The following POLE variants were observed in gnomAD, a reference collection of about 807,000 sequenced individuals.
The protein encoded by POLE is DNA polymerase epsilon catalytic subunit A.
A neutral mutation model predicts 279.2 loss-of-function variants in POLE; 188 were observed. The ratio of observed to expected loss-of-function variants is 0.67; its 90% CI spans 0.60 to 0.76. POLE has a LOEUF of 0.76. Ranked by LOEUF, POLE falls within the 30% of genes least tolerant of loss-of-function variation. The pLI, the probability that POLE is intolerant of heterozygous loss-of-function variation, is 0.00. For missense variants in POLE, 2,703 were observed against 3,016.7 expected, an observed-to-expected ratio of 0.90 and a Z score of 2.44; for synonymous variants, 1,214 against 1,172.5, an observed-to-expected ratio of 1.04 and a Z score of -0.72.
chr12:132,674,573 C>G (rs2043000955), intron 12 of POLE, among the ~76,000 whole-genome samples: 1 of 152,154 alleles, frequency 6.6e-6, no homozygotes, highest in South Asian at 2.1e-4. Flanking sequence ...CCAACCCCTC[C>G]CTAAGAACCA....
chr12:132,655,955 G>A (rs1451229307), intron 29 of POLE, among the ~76,000 whole-genome samples: 1 of 151,930 alleles, frequency 6.6e-6, no homozygotes, highest in Non-Finnish European at 1.5e-5. Flanking sequence ...CTGAGGTCAG[G>A]AGTTTGAGAC....
intron 20 of POLE, among the ~76,000 whole-genome samples, chr12:132,666,416 C>T (rs901767547): frequency 1.6e-4 from 25 of 152,322 alleles, no homozygotes; most frequent in African/African-American, 5.8e-4. Context: ...GGTGAAACCC[C>T]GTCTCTACCA....
rs372109189 is a variant in POLE, at chr12:132,664,444, C to T, written c.2487G>A (p.Met829Ile). 2.4e-5 allele frequency: 38 copies of T among 1,613,916 alleles called. No homozygotes were observed. The African/African-American group carries it at 4.8e-4, about 20-fold the overall frequency. The change falls in exon 22 of 49, where the codon ATG (methionine) becomes ATA (isoleucine). Residue 829 changes from methionine to isoleucine, a missense_variant. Around this residue, in one of 5 missense-constraint regions of POLE, gnomAD observed 1,011 missense variants for 1,111.7 expected, o/e 0.91. Coordinates refer to ENST00000320574, the MANE Select transcript of POLE (RefSeq NM_006231.4). The surrounding 1 kb of genome is among the most constrained non-coding windows in gnomAD (Gnocchi z 5.3). ...TGAAGCAGACGATGCCAGCCATCTC[C>T]ATGGAGTACCAGCGAGCCCTGAGAG... ...VMRKGARWYS[M>I]EMAGIVCFTG...
In POLE at chr12:132,659,418, G is replaced by C. The variant is rs745884888; in HGVS notation, c.3152C>G (p.Ser1051Cys). ...RKLEDYGEQK[S>C]TSISTAKRLA... Reference sequence around the variant, plus strand: ...GCGCTTTGCTGTGCTGATGGACGTAGACTTCTGCTCCCCGTAATCTTCCAG... The same window carrying C: ...GCGCTTTGCTGTGCTGATGGACGTACACTTCTGCTCCCCGTAATCTTCCAG... The change falls in exon 26 of 49, where the codon TCT becomes TGT. Residue 1051 changes from serine to cysteine, a missense_variant. This residue lies in a region of POLE where 1,551 missense variants were observed against 1,686.1 expected (regional missense o/e 0.92). Transcript: ENST00000320574. 6.2e-7 allele frequency: 1 copy of C among 1,614,236 alleles called. No individual in the cohort carries two copies. The highest frequency in any genetic ancestry group is 8.5e-7 in the Non-Finnish European group (1 of 1,180,026).
rs1057517614 is a variant in POLE at position 132,668,518 on chromosome 12, T to C, written c.2027-16A>G. On this transcript the variant is annotated splice_polypyrimidine_tract_variant and intron_variant, in intron 18 of 48. Transcript: ENST00000320574. The surrounding 1 kb of genome is among the most constrained non-coding windows in gnomAD (Gnocchi z 4.0). ...CTGGCTGGCACTGGGAAGGAGGCAA[T>C]GGGGGCAAGTTCAAAAGGAGGCACA... 5 of 1,581,050 alleles carry C rather than the reference T, an allele frequency of 3.2e-6. No individual in the cohort carries two copies. The highest frequency in any genetic ancestry group is 1.3e-5 in the African/African-American group (1 of 74,088).
intron 20 of POLE, among the ~76,000 whole-genome samples, chr12:132,667,105 C>T (rs553209543): frequency 1.3e-5 from 2 of 152,180 alleles, no homozygotes; most frequent in Admixed American, 6.5e-5. Context: ...CACGAGGGGC[C>T]GGATGGTGAA....
chr12:132,658,716 A>T (rs998850019), intron 26 of POLE: 4 of 156,104 alleles, frequency 2.6e-5, no homozygotes, highest in African/African-American at 9.7e-5. Context: ...GGCTCCATCA[A>T]GCTTCAACAC....
At position 132,632,690 on chromosome 12, in the gene POLE, G is replaced by C. The variant is rs2041958511; in HGVS notation, c.6110C>G (p.Ala2037Gly). The C allele has an allele frequency of 6.2e-7, 1 of 1,613,972 alleles. No individual in the cohort carries two copies. The highest frequency in any genetic ancestry group is 8.5e-7 in the Non-Finnish European group (1 of 1,179,988). The change falls in exon 44 of 49, where the codon GCC becomes GGC. Residue 2037 changes from alanine to glycine, a missense_variant. Transcript: ENST00000320574. ...RRGASQLSQE[A>G]EGAVGALPGM... ...GGGAAGGGCTCCGACCGCCCCCTCGGCCTCCTGGGAGAGCTGGCTGGCCCC... is the reference window on the plus strand; with the variant it reads ...GGGAAGGGCTCCGACCGCCCCCTCGCCCTCCTGGGAGAGCTGGCTGGCCCC...
In POLE at chr12:132,659,444, C is replaced by T. The variant is rs5744856; in HGVS notation, c.3126G>A (p.Lys1042=). ...LISENRSMSR[K]LEDYGEQKST... is the part of the protein sequence containing the mutation. ...ACTTCTGCTCCCCGTAATCTTCCAG[C>T]TTCCGAGACATGGAACGGTTCTCAG... is the stretch of plus-strand genomic sequence containing the variant. The change falls in exon 26 of 49, where the codon AAG becomes AAA. Residue 1042 remains lysine, a synonymous_variant. Coordinates refer to ENST00000320574, the MANE Select transcript of POLE (RefSeq NM_006231.4). The T allele has an allele frequency of 4.1e-3, 6,618 of 1,614,188 alleles. 256 individuals are homozygous for T. The African/African-American group carries it at 0.077, about 19-fold the overall frequency.
At chr12:132,656,909 A>C (rs1274580134) in intron 29 of POLE, among the ~76,000 whole-genome samples, 1 of 152,226 alleles carries the variant, frequency 6.6e-6, no homozygotes, top group East Asian at 1.9e-4. Flanking sequence ...TTTTCACATA[A>C]GGAGACAGTT....
At chr12:132,686,895 G>T (rs2043285087) in intron 1 of POLE, among the ~76,000 whole-genome samples, 1 of 142,622 alleles carries the variant, frequency 7.0e-6, no homozygotes, top group African/African-American at 2.6e-5. Context: ...CCCCAGCCGC[G>T]CGTCCACCCC....
intron 26 of POLE, chr12:132,658,231 T>C (rs2042591707): frequency 7.2e-6 from 3 of 414,546 alleles, no homozygotes; most frequent in Non-Finnish European, 1.3e-5. Context: ...GGCATGCATA[T>C]ACATAAACAC....
At chr12:132,631,389 C>T (rs548464465) in intron 45 of POLE, among the ~76,000 whole-genome samples, 27 of 152,152 alleles carry the variant, frequency 1.8e-4, no homozygotes, top group South Asian at 8.3e-4. Flanking sequence ...CAGAACTGCA[C>T]GCCACAGAGT....
In POLE at chr12:132,657,227, G is replaced by A. The variant is rs2042563717; in HGVS notation, c.3491C>T (p.Pro1164Leu). ...CAGCAGTTTTTTGTGCAGCCAGTCG[G>A]GGTGTTTGACACGTGGCACTGGGTT... ...VKNPVPRVKH[P>L]DWLHKKLLEK... Residue 1164 changes from proline (P) to leucine (L), a missense_variant, in exon 29 of 49, where the codon CCC becomes CTC. Coordinates refer to ENST00000320574, the MANE Select transcript of POLE (RefSeq NM_006231.4). 3.1e-6 allele frequency: 5 copies of A among 1,613,910 alleles called. No homozygotes were observed. The highest frequency in any genetic ancestry group is 4.2e-6 in the Non-Finnish European group (5 of 1,179,942).
chr12:132,672,730 G>A lies in POLE; in HGVS notation c.1583C>T (p.Thr528Met), dbSNP rs116263919. 8.1e-5 allele frequency: 131 copies of A among 1,614,038 alleles called. No homozygotes were observed. Among genetic ancestry groups the A allele is most frequent in the Non-Finnish European group, 1.0e-4 (120 of 1,180,030 alleles). ...NKQEQEFNKLTDDGHVLDSET... is the reference protein window; with the variant it reads ...NKQEQEFNKLMDDGHVLDSET... Reference sequence around the variant, plus strand: ...AGAGTCCAGCACGTGTCCGTCGTCCGTCAGCTTATTGAACTCCTGCTCTTG... The same window carrying A: ...AGAGTCCAGCACGTGTCCGTCGTCCATCAGCTTATTGAACTCCTGCTCTTG... The change falls in exon 15 of 49, where the codon ACG becomes ATG. Residue 528 changes from threonine to methionine, a missense_variant. Transcript: ENST00000320574.
Position 132,687,317 on chromosome 12 carries a change from G to C in POLE, c.-2C>G, listed in dbSNP as rs770897258. 1 of 1,500,656 alleles carries C rather than the reference G, an allele frequency of 6.7e-7. No individual in the cohort carries two copies. The highest frequency in any genetic ancestry group is 8.9e-7 in the Non-Finnish European group (1 of 1,124,326). The allele number at this position is 1,500,656 out of a possible 1,614,324, so 93.0% of individuals were successfully genotyped here. A position where few individuals can be genotyped will look rare whatever the true frequency, so the allele number is the denominator to read the frequency against. ...CCGCCCGCCGCTCCTCAGAGACATG[G>C]AGCCGTTGGCTACCACCTCTGCTTC... is the stretch of plus-strand genomic sequence containing the variant. On this transcript the variant is annotated 5_prime_UTR_variant, in exon 1 of 49. Transcript: ENST00000320574.
rs1187751865 is a variant in POLE at position 132,638,139 on chromosome 12, C to A, written c.5553G>T (p.Gln1851His). The change falls in exon 41 of 49, where the codon CAG becomes CAT. Residue 1851 changes from glutamine (Q) to histidine (H), a missense_variant and splice_region_variant. Gln to His is a conservative substitution (Grantham distance 24, BLOSUM62 0). Around this residue, in one of 5 missense-constraint regions of POLE, gnomAD observed 1,551 missense variants for 1,686.1 expected, o/e 0.92. Coordinates refer to ENST00000320574, the MANE Select transcript of POLE (RefSeq NM_006231.4). Reference sequence around the variant, plus strand: ...CCAGGCGCTTGAACTCAGCGATGAGCCTGTGGAGCAAGTTGAGAGTCCGTG... The same window carrying A: ...CCAGGCGCTTGAACTCAGCGATGAGACTGTGGAGCAAGTTGAGAGTCCGTG... Reference protein sequence around the residue: ...LHNMMKKLFLQLIAEFKRLGS... With the variant: ...LHNMMKKLFLHLIAEFKRLGS... 1.2e-6 allele frequency: 2 copies of A among 1,613,250 alleles called. No individual in the cohort carries two copies. Among genetic ancestry groups the A allele is most frequent in the Non-Finnish European group, 8.5e-7 (1 of 1,179,578 alleles).
Position 132,672,737 on chromosome 12 carries a change from T to C in POLE, c.1576A>G (p.Lys526Glu), listed in dbSNP as rs1444399170. Residue 526 changes from lysine (K) to glutamate (E), a missense_variant, in exon 15 of 49, where the codon AAG (lysine) becomes GAG (glutamate). Physicochemically the swap from Lys to Glu is moderately conservative, Grantham distance 56. Coordinates refer to ENST00000320574, the MANE Select transcript of POLE (RefSeq NM_006231.4). Reference sequence around the variant, plus strand: ...AGCACGTGTCCGTCGTCCGTCAGCTTATTGAACTCCTGCTCTTGCTTGTTG... The same window carrying C: ...AGCACGTGTCCGTCGTCCGTCAGCTCATTGAACTCCTGCTCTTGCTTGTTG... ...FPNKQEQEFNKLTDDGHVLDS... is the reference protein window; with the variant it reads ...FPNKQEQEFNELTDDGHVLDS... The C allele has an allele frequency of 1.2e-6, 2 of 1,614,162 alleles. No homozygotes were observed. The highest frequency in any genetic ancestry group is 1.7e-6 in the Non-Finnish European group (2 of 1,180,028).
rs1057524685 is a variant in POLE, at chr12:132,668,375, G to A, written c.2154C>T (p.Tyr718=). The part of the protein sequence containing the change: ...HELSREEQAK[Y]EKRRLADYCR... ...ACTCACCCGCCAGCCTTCTCTTCTCGTATTTCGCCTGTTCCTCGCGGGACA... is the reference window on the plus strand; with the variant it reads ...ACTCACCCGCCAGCCTTCTCTTCTCATATTTCGCCTGTTCCTCGCGGGACA... The change falls in exon 19 of 49, where the codon TAC becomes TAT. Residue 718 remains tyrosine, a synonymous_variant. Transcript: ENST00000320574. This position sits in a 1 kb window ranked among gnomAD's most constrained non-coding sequence, Gnocchi z 4.0. 20 of 1,587,516 alleles carry A rather than the reference G, an allele frequency of 1.3e-5. No homozygotes were observed. The highest frequency in any genetic ancestry group is 4.1e-5 in the African/African-American group (3 of 73,724).
Sources: gnomAD v4.1 joint callset for allele counts (sites outside exome capture counted in the v4.1 genomes callset) on GRCh38, gnomAD v4.1.1 for gene constraint, gnomAD v4.1.1 regional missense constraint, Gnocchi (gnomAD v3.1) non-coding constraint, MANE v1.5 for transcripts, NCBI Gene and HGNC (gene_info 2026-07-23, HGNC 2026-07-21) for gene names.